CRYL1: variants seen among roughly 807,000 people sequenced by gnomAD.
The protein encoded by CRYL1 is crystallin lambda 1.
In CRYL1, 29 loss-of-function variants were observed where a neutral mutation model predicts 36.6. The observed-to-expected ratio is 0.79, with a 90% CI of 0.59 to 1.08. The LOEUF is 1.08. Among genes scored for constraint, CRYL1 ranks in the 50% least tolerant of loss-of-function variants. The pLI is 0.00. For missense variants in CRYL1, 411 were observed against 407.9 expected (o/e 1.01, Z -0.06); for synonymous variants, 152 against 151.5 (o/e 1.00, Z -0.02).
At chr13:20,436,095 G>T (rs1296095929) in intron 4 of CRYL1, among the ~76,000 whole-genome samples, 1 of 152,186 alleles carries the variant, frequency 6.6e-6, no homozygotes, top group Non-Finnish European at 1.5e-5. Context: ...GGTGTGAGAC[G>T]TGAGGTGAGT....
intron 5 of CRYL1, 58 bp downstream of exon 5, chr13:20,432,044 G>C (rs1455471698): frequency 6.2e-7 from 1 of 1,612,720 alleles, no homozygotes; most frequent in Non-Finnish European, 8.5e-7. Context: ...ACTTTGAGAG[G>C]GAGGGAAGAA....
At chr13:20,489,640 A>T in intron 2 of CRYL1, 144 bp from the exon 3 acceptor site, 1 of 932,976 alleles carries the variant, frequency 1.1e-6, no homozygotes, top group Non-Finnish European at 1.6e-6. Context: ...GCTACCAAAA[A>T]TAGAAACTAG....
At chr13:20,431,111 C>T (rs935161401) in intron 5 of CRYL1, 17 of 985,240 alleles carry the variant, frequency 1.7e-5, no homozygotes, top group Middle Eastern at 5.2e-4. Flanking sequence ...AGAAGCAGGC[C>T]GCGGGAGGCC....
In CRYL1 at chr13:20,425,653, G is replaced by A. The variant is rs2031916199; in HGVS notation, c.633+6449C>T. Among the ~76,000 whole-genome samples the A allele has an allele frequency of 6.6e-6, 1 of 152,232 alleles. No homozygotes were observed. Among genetic ancestry groups the A allele is most frequent in the Non-Finnish European group, 1.5e-5 (1 of 68,040 alleles). Reference sequence around the variant, plus strand: ...TCACCTCCAAGTGAACATAGCACATGTGAGAGAAATGTAAGCGGTAGTTAC... The same window carrying A: ...TCACCTCCAAGTGAACATAGCACATATGAGAGAAATGTAAGCGGTAGTTAC... On this transcript the variant is annotated intron_variant, in intron 5 of 7. Coordinates refer to ENST00000298248, the MANE Select transcript of CRYL1 (RefSeq NM_015974.3). The surrounding 1 kb of genome is among the most constrained non-coding windows in gnomAD (Gnocchi z 4.4).
intron 5 of CRYL1, among the ~76,000 whole-genome samples, chr13:20,414,165 A>T (rs1373448448): frequency 6.6e-6 from 1 of 151,554 alleles, no homozygotes; most frequent in Admixed American, 6.6e-5. Flanking sequence ...TCAGAGCAAG[A>T]CTCTGTTTCA....
intron 5 of CRYL1, chr13:20,430,667 C>T (rs1490537792): frequency 1.0e-6 from 1 of 985,256 alleles, no homozygotes. Context: ...AATCCCAAAC[C>T]CTTCCTTGAG....
At chr13:20,418,386 T>C (rs2031723222) in intron 5 of CRYL1, 1 of 152,230 alleles carries the variant, frequency 6.6e-6, no homozygotes, top group African/African-American at 2.4e-5. Context: ...TAACAGATGC[T>C]GTGGTACTTA....
At chr13:20,484,023 A>G (rs537431417) in intron 3 of CRYL1, among the ~76,000 whole-genome samples, 124 of 152,302 alleles carry the variant, frequency 8.1e-4, no homozygotes, top group African/African-American at 2.8e-3. Flanking sequence ...TCACCGTGTT[A>G]GCCAGGATGG....
intron 3 of CRYL1, among the ~76,000 whole-genome samples, chr13:20,477,846 T>C (rs2033195322): frequency 1.4e-5 from 2 of 141,508 alleles, no homozygotes; most frequent in South Asian, 2.1e-4. Context: ...TACTATAGTA[T>C]ATAGATAGTA....
chr13:20,448,657 AT>A (rs1185973561), intron 3 of CRYL1, among the ~76,000 whole-genome samples: 2 of 152,198 alleles, frequency 1.3e-5, no homozygotes, highest in Non-Finnish European at 2.9e-5. Flanking sequence ...ATGCAATGAC[AT>A]TTTTTAAGTG....
rs146667213 is a variant in CRYL1, at chr13:20,497,006, G to A, written c.150-7510C>T. 4.9e-3 allele frequency among the ~76,000 whole-genome samples: 741 copies of A among 152,208 alleles called. 6 individuals carry two copies. Among genetic ancestry groups the A allele is most frequent in the African/African-American group, 0.016 (679 of 41,514 alleles). ...GCTAAAACTTAGGCATGGGGTTAAG[G>A]AAAATGCCAACGAAAAGCAAGTCGC... On this transcript the variant is annotated intron_variant, in intron 2 of 7. Transcript: ENST00000298248.
chr13:20,410,215 A>C lies in CRYL1; in HGVS notation c.739+3067T>G, dbSNP rs2031482579. ...ATACTATGCAGCCATAAAAATGATG[A>C]GTTCATGTCCTCTGTAAGGACATGG... On this transcript the variant is annotated intron_variant, in intron 6 of 7. Coordinates refer to ENST00000298248, the MANE Select transcript of CRYL1 (RefSeq NM_015974.3). Among the ~76,000 whole-genome samples, 6 of 147,362 alleles carry C rather than the reference A, an allele frequency of 4.1e-5. No homozygotes were observed. The South Asian group carries it at 1.3e-3, about 33-fold the overall frequency.
At chr13:20,489,543 T>G in intron 2 of CRYL1, 47 bp from the exon 3 acceptor site, 1 of 1,603,328 alleles carries the variant, frequency 6.2e-7, no homozygotes, top group South Asian at 1.1e-5. Flanking sequence ...AACACCACAT[T>G]TAAAAACAGA....
Position 20,431,666 on chromosome 13 carries a change from CTT to C in CRYL1, c.633+434_633+435del, listed in dbSNP as rs2032062533. 1.1e-5 allele frequency: 12 copies of C among 1,100,106 alleles called. No individual in the cohort carries two copies. In the South Asian group the frequency reaches 2.5e-4, roughly 23 times the overall value. The allele number at this position is 1,100,106 out of a possible 1,614,324, so 68.1% of individuals were successfully genotyped here. On this transcript the variant is annotated intron_variant, in intron 5 of 7. Coordinates refer to ENST00000298248, the MANE Select transcript of CRYL1 (RefSeq NM_015974.3). ...TTTACTCTAACAAGTCTATTCATCA[CTT>C]CTTCCTCAAGCTCTTGAAACAATTA...
chr13:20,468,945 T>C (rs2032998297), intron 3 of CRYL1, among the ~76,000 whole-genome samples: 1 of 152,078 alleles, frequency 6.6e-6, no homozygotes, highest in Admixed American at 6.6e-5. Flanking sequence ...GTGCTATGAG[T>C]CGGAGAGCGA....
intron 4 of CRYL1, among the ~76,000 whole-genome samples, chr13:20,437,028 C>T (rs1361922229): frequency 1.3e-5 from 2 of 151,870 alleles, no homozygotes; most frequent in Non-Finnish European, 2.9e-5. Flanking sequence ...AGGTGTGGTG[C>T]CTTTGTCTTG....
chr13:20,511,833 C>T (rs1292850027), intron 2 of CRYL1, among the ~76,000 whole-genome samples: 2 of 152,174 alleles, frequency 1.3e-5, no homozygotes, highest in Non-Finnish European at 2.9e-5. Flanking sequence ...CTTTGGTTCC[C>T]GTGACTACCA....
At chr13:20,480,847 A>G (rs1565978359) in intron 3 of CRYL1, among the ~76,000 whole-genome samples, 3 of 152,158 alleles carry the variant, frequency 2.0e-5, no homozygotes, top group African/African-American at 7.2e-5. Flanking sequence ...TTGACTTAGC[A>G]TTTTTTCAAG....
rs9315627 is a variant in CRYL1, at chr13:20,493,024, C to T, written c.150-3528G>A. On this transcript the variant is annotated intron_variant, in intron 2 of 7. Transcript: ENST00000298248. Reference sequence around the variant, plus strand: ...TAGGGGATCCAAGTTCTCTTTTTCGCCAATGATGTAGCTGTTAGAGAACTC... The same window carrying T: ...TAGGGGATCCAAGTTCTCTTTTTCGTCAATGATGTAGCTGTTAGAGAACTC... 0.21 allele frequency among the ~76,000 whole-genome samples: 31,539 copies of T among 152,146 alleles called. 3,463 individuals are homozygous for T. Among genetic ancestry groups the T allele is most frequent in the East Asian group, 0.3 (1,555 of 5,166 alleles).
Sources: allele counts gnomAD v4.1 joint callset (sites outside exome capture counted in the v4.1 genomes callset), GRCh38; gene constraint gnomAD v4.1.1; non-coding constraint Gnocchi (gnomAD v3.1); transcripts MANE v1.5; gene names NCBI Gene and HGNC (gene_info 2026-07-23, HGNC 2026-07-21).